ERBB3: variants seen among roughly 807,000 people sequenced by gnomAD.
The protein encoded by ERBB3 is receptor tyrosine-protein kinase erbB-3.
In ERBB3, 96 loss-of-function variants were observed where a neutral mutation model predicts 156.7. The observed-to-expected ratio is 0.61, with a 90% CI of 0.52 to 0.73. The LOEUF is 0.73. Among genes scored for constraint, ERBB3 ranks in the 30% least tolerant of loss-of-function variants. ERBB3 has a pLI of 0.00. For missense variants in ERBB3, 1,406 were observed against 1,709.4 expected (o/e 0.82, Z 3.13); for synonymous variants, 567 against 632.0 (o/e 0.90, Z 1.54).
At position 56,101,640 on chromosome 12, in the gene ERBB3, G is replaced by C. The variant is rs1345871079; in HGVS notation, c.3614G>C (p.Arg1205Thr). 6.2e-7 allele frequency: 1 copy of C among 1,614,000 alleles called. No individual in the cohort carries two copies. The highest frequency in any genetic ancestry group is 1.3e-5 in the African/African-American group (1 of 74,986). Residue 1205 changes from arginine to threonine, a missense_variant, in exon 28 of 28, where the codon AGG becomes ACG. Coordinates refer to ENST00000267101, the MANE Select transcript of ERBB3 (RefSeq NM_001982.4). ...EEYEYMNRRR[R>T]HSPPHPPRPS... ...TATGAATACATGAACCGGAGGAGAA[G>C]GCACAGTCCACCTCATCCCCCTAGG...
rs544678821 is a variant in ERBB3 at position 56,095,291 on chromosome 12, C to A, written c.1894C>A (p.Gln632Lys). ...ACCAGAGCTTCAAGACTGTTTAGGA[C>A]AAACACTGGTGCTGATCGGGTATGA... ...KGPELQDCLG[Q>K]TLVLIGKTHL... The change falls in exon 16 of 28, where the codon CAA (glutamine) becomes AAA (lysine). Residue 632 changes from glutamine to lysine, a missense_variant. Coordinates refer to ENST00000267101, the MANE Select transcript of ERBB3 (RefSeq NM_001982.4). The A allele has an allele frequency of 1.2e-6, 2 of 1,613,800 alleles. No homozygotes were observed. Among genetic ancestry groups the A allele is most frequent in the South Asian group, 1.1e-5 (1 of 91,068 alleles).
intron 24 of ERBB3, 37 bp downstream of exon 24, chr12:56,099,782 A>G: frequency 6.2e-7 from 1 of 1,613,232 alleles, no homozygotes; most frequent in Non-Finnish European, 8.5e-7. Context: ...GAAATTTAGA[A>G]AAAGGAGGAG....
At chr12:56,093,654 C>A (rs941490072) in intron 12 of ERBB3, 104 bp downstream of exon 12, 3 of 1,566,968 alleles carry the variant, frequency 1.9e-6, no homozygotes, top group African/African-American at 1.4e-5. Flanking sequence ...AGGGATGGAA[C>A]CAAGGAGAAG....
At chr12:56,097,711 G>T in intron 20 of ERBB3, 74 bp from the exon 21 acceptor site, 3 of 1,507,718 alleles carry the variant, frequency 2.0e-6, no homozygotes, top group Admixed American at 3.3e-5. Context: ...GTACCTTCAA[G>T]ATTTGGGGGA....
chr12:56,100,340 G>A (rs1388435272), intron 26 of ERBB3, 95 bp downstream of exon 26: 1 of 1,101,958 alleles, frequency 9.1e-7, no homozygotes, highest in Non-Finnish European at 1.4e-6. Context: ...TCAGTGTCCT[G>A]CAAAAAAGAA....
In ERBB3 at chr12:56,101,818, T is replaced by A. The variant is rs777501187; in HGVS notation, c.3792T>A (p.Asn1264Lys). Residue 1264 changes from asparagine to lysine, a missense_variant, in exon 28 of 28, where the codon AAT (asparagine) becomes AAA (lysine). Physicochemically the swap from Asn to Lys is moderately conservative, Grantham distance 94. Transcript: ENST00000267101. The stretch of plus-strand genomic sequence containing the variant: ...CAGATGAAGACTATGAATATATGAA[T>A]CGGCAACGAGATGGAGGTGGTCCTG... ...TTPDEDYEYM[N>K]RQRDGGGPGG... is the part of the protein sequence containing the mutation. The A allele has an allele frequency of 3.7e-6, 6 of 1,611,404 alleles. No individual in the cohort carries two copies. The highest frequency in any genetic ancestry group is 5.1e-6 in the Non-Finnish European group (6 of 1,179,376).
rs755757062 is a variant in ERBB3 at position 56,080,349 on chromosome 12, G to A, written c.49G>A (p.Ala17Thr). 1.3e-6 allele frequency: 2 copies of A among 1,593,860 alleles called. No homozygotes were observed. The highest frequency in any genetic ancestry group is 4.5e-5 in the East Asian group (2 of 44,124). Residue 17 changes from alanine to threonine, a missense_variant, in exon 1 of 28, where the codon GCC (alanine) becomes ACC (threonine). By Grantham distance (58) the Ala-to-Thr change is moderately conservative. This residue lies in a region of ERBB3 where 979 missense variants were observed against 1,219.6 expected (regional missense o/e 0.80). Coordinates refer to ENST00000267101, the MANE Select transcript of ERBB3 (RefSeq NM_001982.4). ...LQVLGLLFSLARGSEVGNSQA... is the reference protein window; with the variant it reads ...LQVLGLLFSLTRGSEVGNSQA... ...GGTGCTGGGCTTGCTTTTCAGCCTG[G>A]CCCGGGGCTCCGAGGTGGGCAACTC...
intron 22 of ERBB3, 35 bp downstream of exon 22, chr12:56,098,610 G>A (rs367714103): frequency 1.9e-6 from 3 of 1,596,406 alleles, no homozygotes; most frequent in Non-Finnish European, 8.6e-7. Context: ...TACCATCACT[G>A]GCCCCAGTTT....
chr12:56,094,951 CAA>C (rs11425044), intron 15 of ERBB3, among the ~76,000 whole-genome samples: 3 of 139,826 alleles, frequency 2.1e-5, no homozygotes, highest in Non-Finnish European at 3.1e-5. Flanking sequence ...AACTCTGTCT[CAA>C]AAAAAAAAAA....
chr12:56,099,796 G>A (rs762283307), intron 24 of ERBB3, 42 bp from the exon 25 acceptor site: 1 of 1,612,942 alleles, frequency 6.2e-7, no homozygotes, highest in Non-Finnish European at 8.5e-7. Flanking sequence ...GGAGGAGTTG[G>A]CTGGAACCAG....
chr12:56,102,752 T>C lies in ERBB3; in HGVS notation c.*697T>C, dbSNP rs12322914. On this transcript the variant is annotated 3_prime_UTR_variant, in exon 28 of 28. Coordinates refer to ENST00000267101, the MANE Select transcript of ERBB3 (RefSeq NM_001982.4). The stretch of plus-strand genomic sequence containing the variant: ...GGGAGGCTGAGGCAGAAGGATTACC[T>C]GAGGCAAGGAGTTTGAGACCAGCTT... 160 of 178,802 alleles carry C rather than the reference T, an allele frequency of 8.9e-4. No homozygotes were observed. Among genetic ancestry groups the C allele is most frequent in the African/African-American group, 3.9e-3 (150 of 38,376 alleles). The allele number at this position is 178,802 out of a possible 1,614,324, so 11.1% of individuals were successfully genotyped here. A position where few individuals can be genotyped will look rare whatever the true frequency, so the allele number is the denominator to read the frequency against.
Position 56,102,358 on chromosome 12 carries a change from C to T in ERBB3, c.*303C>T. 1 of 407,110 alleles carries T rather than the reference C, an allele frequency of 2.5e-6. No homozygotes were observed. Among genetic ancestry groups the T allele is most frequent in the South Asian group, 3.0e-5 (1 of 32,964 alleles). The allele number at this position is 407,110 out of a possible 1,614,324, so 25.2% of individuals were successfully genotyped here. A position where few individuals can be genotyped will look rare whatever the true frequency, so the allele number is the denominator to read the frequency against. ...CCTGGAGATATGAAGGATTACTCTC[C>T]ATATCCCTTCCTCTCAGGCTCTTGA... On this transcript the variant is annotated 3_prime_UTR_variant, in exon 28 of 28. Transcript: ENST00000267101.
In ERBB3 at chr12:56,090,676, TTC is replaced by T. The variant is rs147490873; in HGVS notation, c.1109+1820_1109+1821del. Among the ~76,000 whole-genome samples, 114 of 150,510 alleles carry T rather than the reference TTC, an allele frequency of 7.6e-4. 4 individuals are homozygous for T. In the East Asian group the frequency reaches 0.013, roughly 17 times the overall value. ...AAAAATACCACATACGCTTTATCAC[TTC>T]TCTCTCTCTCTGTCTCTCTCTACAC... On this transcript the variant is annotated intron_variant, in intron 9 of 27. Transcript: ENST00000267101.
intron 2 of ERBB3, among the ~76,000 whole-genome samples, chr12:56,084,349 G>A (rs144969061): frequency 0.021 from 3,268 of 152,282 alleles, 123 homozygotes; most frequent in African/African-American, 0.073. Context: ...AGTGGCTCAT[G>A]CCTGTAATCC....
chr12:56,081,391 C>T (rs1205952222), intron 1 of ERBB3, among the ~76,000 whole-genome samples: 1 of 152,180 alleles, frequency 6.6e-6, no homozygotes, highest in Non-Finnish European at 1.5e-5. Context: ...GGATCTCCTC[C>T]CCTCCCCTCA....
intron 1 of ERBB3, among the ~76,000 whole-genome samples, chr12:56,080,706 G>A (rs769271392): frequency 1.7e-4 from 26 of 152,340 alleles, no homozygotes; most frequent in Non-Finnish European, 3.2e-4. Flanking sequence ...ACTTCATTCT[G>A]TAAACAGGAG....
chr12:56,091,599 A>G (rs1868714819), intron 9 of ERBB3, among the ~76,000 whole-genome samples: 1 of 150,736 alleles, frequency 6.6e-6, no homozygotes, highest in Non-Finnish European at 1.5e-5. Context: ...CAGCCTCCCA[A>G]AGTGCTGGGA....
rs750884386 is a variant in ERBB3, at chr12:56,099,919, C to A, written c.3019C>A (p.Pro1007Thr). The A allele has an allele frequency of 6.2e-7, 1 of 1,614,212 alleles. No individual in the cohort carries two copies. The highest frequency in any genetic ancestry group is 8.5e-7 in the Non-Finnish European group (1 of 1,180,028). ...NKKLEEVELE[P>T]ELDLDLDLEA... is the part of the protein sequence containing the mutation. ...GAAGCTAGAGGAAGTAGAGCTGGAG[C>A]CAGAACTAGACCTAGACCTAGACTT... Residue 1007 changes from proline to threonine, a missense_variant, in exon 25 of 28, where the codon CCA becomes ACA. By Grantham distance (38) the Pro-to-Thr change is conservative. Transcript: ENST00000267101.
At chr12:56,088,314 C>T (rs966330728) in intron 7 of ERBB3, 152 bp downstream of exon 7, 25 of 914,624 alleles carry the variant, frequency 2.7e-5, no homozygotes, top group Non-Finnish European at 3.9e-5. Flanking sequence ...GTGACCCTTA[C>T]GTCCAGTCCT....
Sources: gnomAD v4.1 joint callset for allele counts (sites outside exome capture counted in the v4.1 genomes callset) on GRCh38, gnomAD v4.1.1 for gene constraint, gnomAD v4.1.1 regional missense constraint, MANE v1.5 for transcripts, NCBI Gene and HGNC (gene_info 2026-07-23, HGNC 2026-07-21) for gene names.